PCLO: variants seen among roughly 807,000 people sequenced by gnomAD.
PCLO encodes protein piccolo.
Under a neutral mutation model 427.5 loss-of-function variants are expected in PCLO, and 82 were observed. The ratio of observed to expected loss-of-function variants is 0.19; its 90% confidence interval spans 0.16 to 0.23. The LOEUF (loss-of-function observed/expected upper bound fraction) is 0.23, where lower values mean the gene tolerates loss of function less well. Among genes scored for constraint, PCLO ranks in the 10% least tolerant of loss-of-function variants. PCLO has a pLI of 1.00. For missense variants in PCLO, 6,239 were observed against 6,115.9 expected (o/e 1.02, Z -0.67); for synonymous variants, 2,357 against 2,155.4 (o/e 1.09, Z -2.59).
At position 83,162,805 on chromosome 7, in the gene PCLO, T is replaced by C. The variant is rs1420207288; in HGVS notation, c.-213A>G. ...GCCCGCTGCCGGTGCCTCCTCCATGTTGGACAGCGCCAGGCAACCTTTGCA... is the reference window on the plus strand; with the variant it reads ...GCCCGCTGCCGGTGCCTCCTCCATGCTGGACAGCGCCAGGCAACCTTTGCA... On this transcript the variant is annotated 5_prime_UTR_variant, in exon 1 of 25. Coordinates refer to ENST00000333891, the MANE Select transcript of PCLO (RefSeq NM_033026.6). The C allele has an allele frequency of 1.6e-6, 1 of 615,422 alleles. No homozygotes were observed. The highest frequency in any genetic ancestry group is 3.3e-5 in the Admixed American group (1 of 30,332). The allele number at this position is 615,422 out of a possible 1,614,324, so 38.1% of individuals were successfully genotyped here.
chr7:82,787,938 T>C (rs1310061209), intron 22 of PCLO, among the ~76,000 whole-genome samples: 1 of 151,954 alleles, frequency 6.6e-6, no homozygotes, highest in African/African-American at 2.4e-5. Flanking sequence ...GTCTTGAAAA[T>C]AAATTGTTGA....
In PCLO at chr7:82,794,459, C is replaced by CTTTTTTTTTTTTTTTTTTT. The variant is rs778108792; in HGVS notation, c.15007+7040_15007+7058dup. On this transcript the variant is annotated intron_variant, in intron 22 of 24. Transcript: ENST00000333891. Reference sequence around the variant, plus strand: ...ACATGCTAGTTCATAAATTTTTTTTCTTTTTTTTTTTTTTTTTTTTTTTTT... The same window carrying CTTTTTTTTTTTTTTTTTTT: ...ACATGCTAGTTCATAAATTTTTTTTCTTTTTTTTTTTTTTTTTTTTTTTTTTTTTTTTTTTTTTTTTTTT... Among the ~76,000 whole-genome samples, 83 of 56,368 alleles carry CTTTTTTTTTTTTTTTTTTT rather than the reference C, an allele frequency of 1.5e-3. 25 individuals carry two copies. The highest frequency in any genetic ancestry group is 2.8e-3 in the South Asian group (2 of 710). The allele number at this position is 56,368 out of a possible 152,430, so 37.0% of individuals were successfully genotyped here.
At chr7:83,107,921 G>A (rs553326739) in intron 3 of PCLO, among the ~76,000 whole-genome samples, 26 of 149,198 alleles carry the variant, frequency 1.7e-4, no homozygotes, top group Admixed American at 9.4e-4. Flanking sequence ...TCCAGTAGGC[G>A]GAAGATGCAG....
rs373217000 is a variant in PCLO at position 82,966,106 on chromosome 7, G to T, written c.3682C>A (p.Arg1228Ser). The T allele has an allele frequency of 5.6e-6, 9 of 1,607,624 alleles. No homozygotes were observed. In the African/African-American group the frequency reaches 9.5e-5, roughly 17 times the overall value. The change falls in exon 4 of 25, where the codon CGT becomes AGT. Residue 1228 changes from arginine (R) to serine (S), a missense_variant. Physicochemically the swap from Arg to Ser is moderately radical, Grantham distance 110 (BLOSUM62 -1). This residue lies in a region of PCLO where 4,677 missense variants were observed against 4,468.4 expected (regional missense o/e 1.05). Coordinates refer to ENST00000333891, the MANE Select transcript of PCLO (RefSeq NM_033026.6). ...KKLIPEEEKI[R>S]SEEKKPLLEE... ...AGGAGTGGCTTTTTTTCTTCAGAAC[G>T]TATCTTTTCTTCTTCAGGGATTAGT...
intron 20 of PCLO, chr7:82,820,872 C>A (rs1377466976): frequency 8.1e-7 from 1 of 1,230,716 alleles, no homozygotes; most frequent in African/African-American, 1.6e-5. Context: ...AATCTATTTC[C>A]CAACAAAAGT....
intron 3 of PCLO, among the ~76,000 whole-genome samples, chr7:82,968,751 C>T (rs1795837547): frequency 6.6e-6 from 1 of 151,996 alleles, no homozygotes; most frequent in African/African-American, 2.4e-5. Flanking sequence ...GATCTCCTGA[C>T]CTTGTGATCT....
In PCLO at chr7:82,950,474, C is replaced by T. The variant is rs757471477; in HGVS notation, c.10114G>A (p.Gly3372Arg). The change falls in exon 6 of 25, where the codon GGA becomes AGA. Residue 3372 changes from glycine (G) to arginine (R), a missense_variant. Coordinates refer to ENST00000333891, the MANE Select transcript of PCLO (RefSeq NM_033026.6). The stretch of plus-strand genomic sequence containing the variant: ...CCATCAGACTGAACGGTGTACCATC[C>T]TTGGCTTTGTGGTATTTCAATTGCC... ...VVAIEIPQSQ[G>R]WYTVQSDGVT... 3 of 1,613,636 alleles carry T rather than the reference C, an allele frequency of 1.9e-6. No individual in the cohort carries two copies. In the Admixed American group the frequency reaches 5.0e-5, roughly 27 times the overall value.
chr7:82,783,802 A>G (rs1790926646), intron 22 of PCLO, among the ~76,000 whole-genome samples: 1 of 152,092 alleles, frequency 6.6e-6, no homozygotes, highest in Non-Finnish European at 1.5e-5. Flanking sequence ...ACAAATTCAG[A>G]TGAAGCCAAT....
At chr7:82,914,261 G>A (rs1794390569) in intron 7 of PCLO, 1 of 360,850 alleles carries the variant, frequency 2.8e-6, no homozygotes, top group Admixed American at 4.3e-5. Flanking sequence ...TATCAGAATA[G>A]TATTTCATGG....
chr7:83,027,833 TA>T (rs1788546198), intron 3 of PCLO, among the ~76,000 whole-genome samples: 1 of 110,732 alleles, frequency 9.0e-6, no homozygotes, highest in African/African-American at 3.3e-5. Context: ...ATCCAGCATA[TA>T]AACAGAGCCA....
intron 6 of PCLO, among the ~76,000 whole-genome samples, chr7:82,928,800 T>C (rs1224863156): frequency 6.6e-6 from 1 of 152,144 alleles, no homozygotes; most frequent in Non-Finnish European, 1.5e-5. Flanking sequence ...CCATACCACA[T>C]ACTATACAGT....
rs772242898 is a variant in PCLO, at chr7:82,955,316, T to C, written c.5637A>G (p.Glu1879=). 17 of 1,613,430 alleles carry C rather than the reference T, an allele frequency of 1.1e-5. No individual in the cohort carries two copies. The highest frequency in any genetic ancestry group is 8.3e-5 in the Admixed American group (5 of 59,908). The change falls in exon 5 of 25, where the codon GAA becomes GAG. Residue 1879 remains glutamate (E), a synonymous_variant. Transcript: ENST00000333891. ...GFEISPEKII[E]VQKVYKLPTA... is the part of the protein sequence containing the mutation. ...TGGGCAATTTATAAACTTTTTGTAC[T>C]TCTATTATTTTTTCCGGGCTTATTT...
intron 3 of PCLO, among the ~76,000 whole-genome samples, chr7:83,076,317 C>T (rs917279915): frequency 2.0e-5 from 3 of 151,764 alleles, no homozygotes; most frequent in South Asian, 2.1e-4. Context: ...GTGCCCAGGG[C>T]GGAGTGCAGT....
At chr7:82,976,926 C>T (rs1410882072) in intron 3 of PCLO, among the ~76,000 whole-genome samples, 4 of 152,136 alleles carry the variant, frequency 2.6e-5, no homozygotes, top group Non-Finnish European at 5.9e-5. Flanking sequence ...GATCTCGCTA[C>T]GTTGCCTGGT....
intron 3 of PCLO, among the ~76,000 whole-genome samples, chr7:83,049,768 C>A (rs1450056908): frequency 6.6e-6 from 1 of 151,974 alleles, no homozygotes; most frequent in Admixed American, 6.6e-5. Flanking sequence ...GTTAGCTGGG[C>A]CTACTGCAGA....
Position 82,953,252 on chromosome 7 carries a change from C to G in PCLO, c.7701G>C (p.Lys2567Asn). ...PTSPLSPHSN[K>N]SSPRFSKSLT... ...GGGATTTGGAAAATCTTGGTGAAGA[C>G]TTGTTGGAGTGTGGGGAAAGTGGGG... The change falls in exon 5 of 25, where the codon AAG becomes AAC. Residue 2567 changes from lysine to asparagine, a missense_variant. Coordinates refer to ENST00000333891, the MANE Select transcript of PCLO (RefSeq NM_033026.6). 6.2e-7 allele frequency: 1 copy of G among 1,613,800 alleles called. No individual in the cohort carries two copies. The highest frequency in any genetic ancestry group is 8.5e-7 in the Non-Finnish European group (1 of 1,179,848).
intron 3 of PCLO, among the ~76,000 whole-genome samples, chr7:83,019,309 C>G (rs1309827194): frequency 6.6e-6 from 1 of 151,806 alleles, no homozygotes; most frequent in African/African-American, 2.4e-5. Context: ...GGAAGAAGAA[C>G]AGAAATAAGA....
chr7:82,976,534 GGAT>G (rs1201120284), intron 3 of PCLO, among the ~76,000 whole-genome samples: 1 of 152,000 alleles, frequency 6.6e-6, no homozygotes, highest in East Asian at 1.9e-4. Context: ...GTTATTCAAG[GGAT>G]GATAATTTTT....
intron 12 of PCLO, 27 bp from the exon 13 acceptor site, chr7:82,845,512 T>C (rs1206331966): frequency 6.8e-7 from 1 of 1,470,664 alleles, no homozygotes; most frequent in South Asian, 1.2e-5. Context: ...GAGATTTACA[T>C]ACTTCTCCAT....
Sources: allele counts gnomAD v4.1 joint callset (sites outside exome capture counted in the v4.1 genomes callset), GRCh38; gene constraint gnomAD v4.1.1; regional missense constraint gnomAD v4.1.1; transcripts MANE v1.5; gene names NCBI Gene and HGNC (gene_info 2026-07-23, HGNC 2026-07-21).